Variants in NTM observed in about 807,000 individuals in gnomAD.
NTM encodes IgLON family member 2.
A neutral mutation model predicts 42.1 loss-of-function variants in NTM; 13 were observed. The observed-to-expected ratio is 0.31, with a 90% CI of 0.20 to 0.49. The LOEUF (loss-of-function observed/expected upper bound fraction) is 0.49. NTM is among the 20% of genes least tolerant of loss of function. The pLI is 0.99. For missense variants in NTM, 373 were observed against 452.8 expected (o/e 0.82, Z 1.60); for synonymous variants, 187 against 179.2 (o/e 1.04, Z -0.35).
intron 2 of NTM, among the ~76,000 whole-genome samples, chr11:131,948,969 T>G (rs1456897687): frequency 6.6e-6 from 1 of 152,222 alleles, no homozygotes; most frequent in African/African-American, 2.4e-5. Flanking sequence ...TATGCCCATT[T>G]GACAGCAACT....
At chr11:131,397,881 G>T (rs1361309272) in intron 1 of NTM, among the ~76,000 whole-genome samples, 1 of 152,144 alleles carries the variant, frequency 6.6e-6, no homozygotes, top group Non-Finnish European at 1.5e-5. Context: ...CCCCAGGCTG[G>T]GCTTTGGCCA....
chr11:131,681,998 T>A (rs2134850028), intron 1 of NTM, among the ~76,000 whole-genome samples: 1 of 152,224 alleles, frequency 6.6e-6, no homozygotes, highest in South Asian at 2.1e-4. Flanking sequence ...AGCTGACCAG[T>A]CCTTCCAATC....
chr11:131,911,351 G>A, intron 1 of NTM: 4 of 1,519,088 alleles, frequency 2.6e-6, no homozygotes, highest in East Asian at 2.4e-5. Context: ...TCTCCTCCCC[G>A]CGCCTCCCGG....
chr11:132,114,230 GTGT>G (rs1423898304), intron 2 of NTM, among the ~76,000 whole-genome samples: 2 of 152,216 alleles, frequency 1.3e-5, no homozygotes, highest in Admixed American at 1.3e-4. Flanking sequence ...TAAAGAGCAA[GTGT>G]TGTTCAAGGC....
intron 1 of NTM, among the ~76,000 whole-genome samples, chr11:131,876,880 A>G (rs556129745): frequency 3.8e-4 from 56 of 149,210 alleles, no homozygotes; most frequent in African/African-American, 1.2e-3. Context: ...TTTTTTTGAG[A>G]CAGAGTCTCA....
At chr11:132,131,802 G>A (rs554562425) in intron 2 of NTM, among the ~76,000 whole-genome samples, 50 of 152,304 alleles carry the variant, frequency 3.3e-4, no homozygotes, top group Admixed American at 5.9e-4. Flanking sequence ...AGAGGGTTGC[G>A]TGTGGGACCA....
chr11:131,740,392 T>C (rs1194042056), intron 1 of NTM, among the ~76,000 whole-genome samples: 2 of 152,222 alleles, frequency 1.3e-5, no homozygotes, highest in Admixed American at 1.3e-4. Context: ...AATAGTTCCA[T>C]TTTTAAATTA....
intron 2 of NTM, among the ~76,000 whole-genome samples, chr11:131,971,561 C>T (rs1204573450): frequency 6.6e-6 from 1 of 152,088 alleles, no homozygotes; most frequent in Non-Finnish European, 1.5e-5. Flanking sequence ...TGGGGCTCTT[C>T]ATTTGCGGTA....
rs1220591051 is a variant in NTM at position 132,310,204 on chromosome 11, G to A, written c.754G>A (p.Glu252Lys). ...TGAAGCCTCAGCAGTCCCCTCAGCA[G>A]AATTCCAGTGGTACAAGGATGACAA... ...QCEASAVPSA[E>K]FQWYKDDKRL... The change falls in exon 6 of 9, where the codon GAA (glutamate) becomes AAA (lysine). Residue 252 changes from glutamate to lysine, a missense_variant. Glu to Lys is a moderately conservative substitution (Grantham distance 56). Around this residue, in one of 3 missense-constraint regions of NTM, gnomAD observed 312 missense variants for 353.5 expected, o/e 0.88. Coordinates refer to ENST00000683400, the MANE Select transcript of NTM (RefSeq NM_001352005.2). The A allele has an allele frequency of 6.2e-7, 1 of 1,609,688 alleles. No individual in the cohort carries two copies.
chr11:131,416,332 T>A (rs1228948034), intron 1 of NTM, among the ~76,000 whole-genome samples: 1 of 152,196 alleles, frequency 6.6e-6, no homozygotes, highest in African/African-American at 2.4e-5. Flanking sequence ...GTAAATGAAC[T>A]TAACCTTCAA....
chr11:131,898,993 C>T (rs2052716057), intron 1 of NTM, among the ~76,000 whole-genome samples: 2 of 152,130 alleles, frequency 1.3e-5, no homozygotes, highest in South Asian at 4.1e-4. Flanking sequence ...CAAATTGCTT[C>T]CCATCACGCT....
intron 1 of NTM, chr11:131,910,116 C>T (rs2054487924): frequency 6.6e-6 from 1 of 152,226 alleles, no homozygotes; most frequent in Non-Finnish European, 1.5e-5. Context: ...TGTTGAGTCT[C>T]TGGGGTTTTG....
chr11:131,654,069 G>A (rs1272793408), intron 1 of NTM, among the ~76,000 whole-genome samples: 1 of 152,172 alleles, frequency 6.6e-6, no homozygotes, highest in African/African-American at 2.4e-5. Flanking sequence ...GCTCTCATGT[G>A]TACAGGACTG....
intron 1 of NTM, among the ~76,000 whole-genome samples, chr11:131,756,697 C>A (rs531852244): frequency 6.6e-6 from 1 of 151,796 alleles, no homozygotes; most frequent in East Asian, 2.0e-4. Context: ...GTCTCACACA[C>A]AAAAAATTGC....
intron 1 of NTM, among the ~76,000 whole-genome samples, chr11:131,481,167 A>G (rs1385997474): frequency 6.6e-6 from 1 of 152,218 alleles, no homozygotes; most frequent in Non-Finnish European, 1.5e-5. Flanking sequence ...GATGAGTGGG[A>G]GAGAAGGTTG....
intron 1 of NTM, among the ~76,000 whole-genome samples, chr11:131,850,587 A>G (rs1487075385): frequency 6.6e-6 from 1 of 152,200 alleles, no homozygotes; most frequent in African/African-American, 2.4e-5. Flanking sequence ...CCATTTGCTT[A>G]AAGAAAACTG....
At chr11:132,043,884 G>C (rs2077528410) in intron 2 of NTM, among the ~76,000 whole-genome samples, 2 of 152,004 alleles carry the variant, frequency 1.3e-5, no homozygotes, top group African/African-American at 4.8e-5. Context: ...CCATTCTCCT[G>C]GTTAAAGAAG....
intron 1 of NTM, chr11:131,536,450 T>C (rs2052243489): frequency 6.6e-6 from 1 of 152,246 alleles, no homozygotes; most frequent in South Asian, 2.1e-4. Context: ...TTATTAGAGT[T>C]TGTTAAGTAA....
intron 1 of NTM, among the ~76,000 whole-genome samples, chr11:131,529,148 G>A (rs1472643983): frequency 6.6e-6 from 1 of 152,188 alleles, no homozygotes; most frequent in Non-Finnish European, 1.5e-5. Context: ...TTTTGGACAG[G>A]TCAGGGAGCA....
Sources: allele counts gnomAD v4.1 joint callset (sites outside exome capture counted in the v4.1 genomes callset), GRCh38; gene constraint gnomAD v4.1.1; regional missense constraint gnomAD v4.1.1; transcripts MANE v1.5; gene names NCBI Gene and HGNC (gene_info 2026-07-23, HGNC 2026-07-21).